The following AMPD2 variants were observed in gnomAD, a reference collection of about 807,000 sequenced individuals.
The protein encoded by AMPD2 is AMP deaminase 2.
In AMPD2, 52 loss-of-function variants were observed where a neutral mutation model predicts 91.3. The observed-to-expected ratio is 0.57, with a 90% confidence interval of 0.46 to 0.72. The LOEUF (loss-of-function observed/expected upper bound fraction) is 0.72. Ranked by LOEUF, AMPD2 falls within the 30% of genes least tolerant of loss-of-function variation. The pLI is 0.00. For synonymous variants in AMPD2, 455 were observed against 456.4 expected, an observed-to-expected ratio of 1.00 and a Z score of 0.04; for missense variants, 822 against 1,122.3, an observed-to-expected ratio of 0.73 and a Z score of 3.82.
Position 109,628,069 on chromosome 1 carries a change from C to A in AMPD2, c.1081-14C>A. 1 of 1,611,582 alleles carries A rather than the reference C, an allele frequency of 6.2e-7. No homozygotes were observed. Among genetic ancestry groups the A allele is most frequent in the South Asian group, 1.1e-5 (1 of 90,752 alleles). The stretch of plus-strand genomic sequence containing the variant: ...TGGCCTCTGGTGGATCAGCAGTGCC[C>A]TGTTCCATTCCAGGTGGACACCCAC... On this transcript the variant is annotated splice_polypyrimidine_tract_variant and intron_variant, in intron 10 of 18. Transcript: ENST00000528667. The surrounding 1 kb of genome is among the most constrained non-coding windows in gnomAD (Gnocchi z 7.1).
chr1:109,630,651 C>T (rs753644014), intron 17 of AMPD2, 32 bp from the exon 18 acceptor site: 2 of 1,576,394 alleles, frequency 1.3e-6, no homozygotes, highest in Non-Finnish European at 1.7e-6. Flanking sequence ...CTGGCCAGGG[C>T]GCACTCGTCT....
chr1:109,627,150 G>C, intron 7 of AMPD2, 25 bp from the exon 8 acceptor site: 1 of 1,611,664 alleles, frequency 6.2e-7, no homozygotes. Flanking sequence ...GCCCTGCTCT[G>C]ACTTTACCCT....
At chr1:109,621,375 T>C (rs1394531209) in intron 2 of AMPD2, 109 bp downstream of exon 2, 1 of 1,019,982 alleles carries the variant, frequency 9.8e-7, no homozygotes, top group Non-Finnish European at 1.4e-6. Context: ...GCATCCTCTC[T>C]GTGGTGGTGC....
At position 109,621,179 on chromosome 1, in the gene AMPD2, G is replaced by A. The variant is rs775854088; in HGVS notation, c.4G>A (p.Ala2Thr). The change falls in exon 2 of 19, where the codon GCA (alanine) becomes ACA (threonine). Residue 2 changes from alanine (A) to threonine (T), a missense_variant. Coordinates refer to ENST00000528667, the MANE Select transcript of AMPD2 (RefSeq NM_001368809.2). Reference protein sequence around the residue: MASYPSGSGKPK... With the variant: MTSYPSGSGKPK... The stretch of plus-strand genomic sequence containing the variant: ...TGTCGCCGCCGTGGTCCCAGCCATG[G>A]CATCCTATCCATCTGGCTCTGGCAA... 2 of 1,603,398 alleles carry A rather than the reference G, an allele frequency of 1.2e-6. No individual in the cohort carries two copies. The highest frequency in any genetic ancestry group is 3.4e-5 in the Admixed American group (2 of 58,912).
At chr1:109,622,226 G>A in intron 2 of AMPD2, 1 of 456,310 alleles carries the variant, frequency 2.2e-6, no homozygotes. Flanking sequence ...GGTGTTCTCT[G>A]TGCCCAGGTC....
In AMPD2 at chr1:109,625,273, C is replaced by T. The variant is rs771092662; in HGVS notation, c.92-30C>T. The T allele has an allele frequency of 2.6e-5, 42 of 1,609,460 alleles. No homozygotes were observed. The South Asian group carries it at 4.1e-4, about 16-fold the overall frequency. ...GGGCTTTCAGGGGCTGCCCCTCCAC[C>T]CTTTGACCCTGGCATCACTGTCTCT... On this transcript the variant is annotated intron_variant, in intron 2 of 18. Coordinates refer to ENST00000528667, the MANE Select transcript of AMPD2 (RefSeq NM_001368809.2). The surrounding 1 kb of genome is among the most constrained non-coding windows in gnomAD (Gnocchi z 4.0).
At chr1:109,623,950 G>A (rs1056172348) in intron 2 of AMPD2, 25 of 969,254 alleles carry the variant, frequency 2.6e-5, no homozygotes, top group South Asian at 9.5e-5. Context: ...CCGTGCTCAC[G>A]GCCATCTCAG....
intron 17 of AMPD2, 21 bp from the exon 18 acceptor site, chr1:109,630,662 G>A: frequency 2.5e-6 from 4 of 1,602,854 alleles, no homozygotes; most frequent in Non-Finnish European, 2.6e-6. Context: ...GCACTCGTCT[G>A]AGGGAACCTG....
At chr1:109,627,344 G>C (rs569409760) in intron 8 of AMPD2, 28 bp downstream of exon 8, 4 of 1,611,134 alleles carry the variant, frequency 2.5e-6, no homozygotes, top group Non-Finnish European at 2.5e-6. Context: ...CATGTTGGGG[G>C]GATGCAGCGT....
chr1:109,625,355 G>T lies in AMPD2; in HGVS notation c.144G>T (p.Pro48=). The change falls in exon 3 of 19, where the codon CCG becomes CCT. Residue 48 remains proline, a synonymous_variant. Coordinates refer to ENST00000528667, the MANE Select transcript of AMPD2 (RefSeq NM_001368809.2). The surrounding 1 kb of genome is among the most constrained non-coding windows in gnomAD (Gnocchi z 4.0). ...APPLQSARSL[P]GPAPCLKHFP... is the part of the protein sequence containing the mutation. ...CGCTGCAGTCTGCCCGATCCCTGCC[G>T]GGCCCCGCCCCCTGCCTCAAGCACT... 6 of 1,613,622 alleles carry T rather than the reference G, an allele frequency of 3.7e-6. No individual in the cohort carries two copies. Among genetic ancestry groups the T allele is most frequent in the South Asian group, 1.1e-5 (1 of 91,074 alleles).
At chr1:109,622,825 G>A (rs1650370233) in intron 2 of AMPD2, among the ~76,000 whole-genome samples, 1 of 152,104 alleles carries the variant, frequency 6.6e-6, no homozygotes, top group African/African-American at 2.4e-5. Flanking sequence ...CAGCCATGGA[G>A]GTCTGTGGTC....
chr1:109,620,833 C>T, intron 1 of AMPD2, 81 bp from the exon 2 acceptor site: 1 of 1,394,464 alleles, frequency 7.2e-7, no homozygotes, highest in Non-Finnish European at 9.3e-7. Flanking sequence ...GGGGTGAGGG[C>T]TCTTGGTGGG....
At chr1:109,629,265 G>C (rs771398386) in intron 14 of AMPD2, 30 bp downstream of exon 14, 23 of 1,614,034 alleles carry the variant, frequency 1.4e-5, no homozygotes, top group Non-Finnish European at 1.2e-5. Flanking sequence ...CTGGGTATGG[G>C]GAGGGCAGCC....
rs1448849603 is a variant in AMPD2, at chr1:109,627,281, G to C, written c.825G>C (p.Val275=). 3 of 1,606,784 alleles carry C rather than the reference G, an allele frequency of 1.9e-6. No homozygotes were observed. Among genetic ancestry groups the C allele is most frequent in the Non-Finnish European group, 2.6e-6 (3 of 1,175,384 alleles). The change falls in exon 8 of 19, where the codon GTG becomes GTC. Residue 275 remains valine (V), a synonymous_variant. Transcript: ENST00000528667. ...TGGGTCTGCGCATGGTGCGGGGTGT[G>C]GTGCACGTCTACACCCGCAGGGAAC... is the stretch of plus-strand genomic sequence containing the variant. ...LGLGLRMVRG[V]VHVYTRREPD... is the part of the protein sequence containing the mutation.
chr1:109,620,763 T>A, intron 1 of AMPD2, 151 bp from the exon 2 acceptor site: 1 of 1,279,894 alleles, frequency 7.8e-7, no homozygotes, highest in Non-Finnish European at 9.9e-7. Context: ...TCTTCCAGGC[T>A]AGCTGGAAGG....
Position 109,625,877 on chromosome 1 carries a change from C to T in AMPD2, c.353+85C>T. 2 of 1,565,594 alleles carry T rather than the reference C, an allele frequency of 1.3e-6. No homozygotes were observed. Among genetic ancestry groups the T allele is most frequent in the East Asian group, 2.3e-5 (1 of 43,618 alleles). On this transcript the variant is annotated intron_variant, in intron 4 of 18. Coordinates refer to ENST00000528667, the MANE Select transcript of AMPD2 (RefSeq NM_001368809.2). This position sits in a 1 kb window ranked among gnomAD's most constrained non-coding sequence, Gnocchi z 4.0. ...CCCTTTTCTGCCTCTTTCCCTCGCA[C>T]CCTGCCTTGGGGGGTCTGCACAGGG...
rs373334637 is a variant in AMPD2 at position 109,626,353 on chromosome 1, C to G, written c.457C>G (p.Arg153Gly). Residue 153 changes from arginine (R) to glycine (G), a missense_variant, in exon 6 of 19, where the codon CGG (arginine) becomes GGG (glycine). Arg to Gly is a moderately radical substitution (Grantham distance 125). Around this residue, in one of 5 missense-constraint regions of AMPD2, gnomAD observed 240 missense variants for 270.3 expected, o/e 0.89. Coordinates refer to ENST00000528667, the MANE Select transcript of AMPD2 (RefSeq NM_001368809.2). ...GGAACAGGGTGAGGGGCAGGGTGACCGGAGCCTGCGGGAGCGTGATGTGCT... is the reference window on the plus strand; with the variant it reads ...GGAACAGGGTGAGGGGCAGGGTGACGGGAGCCTGCGGGAGCGTGATGTGCT... ...YKEQGEGQGD[R>G]SLRERDVLER... 2.0e-5 allele frequency: 33 copies of G among 1,612,568 alleles called. No homozygotes were observed. The highest frequency in any genetic ancestry group is 3.3e-5 in the South Asian group (3 of 91,030).
chr1:109,626,137 C>G (rs1490850013), intron 4 of AMPD2, 23 bp from the exon 5 acceptor site: 1 of 1,613,982 alleles, frequency 6.2e-7, no homozygotes, highest in South Asian at 1.1e-5. Flanking sequence ...ATCTGCCTGA[C>G]TTCTCACCCC....
rs1461851428 is a variant in AMPD2 at position 109,630,778 on chromosome 1, C to A, written c.2253C>A (p.Ser751Arg). ...TGGCCCGCAACAGCGTGCTCATGAG[C>A]GGCTTCTCGCACAAGGTACTACAGC... ...CELARNSVLM[S>R]GFSHKVKSHW... is the part of the protein sequence containing the mutation. The change falls in exon 18 of 19, where the codon AGC becomes AGA. Residue 751 changes from serine (S) to arginine (R), a missense_variant. Physicochemically the swap from Ser to Arg is moderately radical, Grantham distance 110. Coordinates refer to ENST00000528667, the MANE Select transcript of AMPD2 (RefSeq NM_001368809.2). The A allele has an allele frequency of 7.5e-6, 12 of 1,608,750 alleles. No individual in the cohort carries two copies. Among genetic ancestry groups the A allele is most frequent in the African/African-American group, 1.3e-5 (1 of 74,774 alleles).
Sources: allele counts gnomAD v4.1 joint callset (sites outside exome capture counted in the v4.1 genomes callset), GRCh38; gene constraint gnomAD v4.1.1; regional missense constraint gnomAD v4.1.1; non-coding constraint Gnocchi (gnomAD v3.1); transcripts MANE v1.5; gene names NCBI Gene and HGNC (gene_info 2026-07-23, HGNC 2026-07-21).